The following ITGA8 variants were observed in gnomAD, a reference collection of about 807,000 sequenced individuals.
ITGA8 encodes the protein integrin subunit alpha 8, also known as integrin alpha-8.
Under a neutral mutation model 142.3 loss-of-function variants are expected in ITGA8, and 91 were observed. The observed-to-expected ratio is 0.64, with a 90% CI of 0.54 to 0.76. The LOEUF is 0.76. Ranked by LOEUF, ITGA8 falls within the 30% of genes least tolerant of loss-of-function variation. The pLI is 0.00. For missense variants in ITGA8, 1,406 were observed against 1,327.7 expected (o/e 1.06, Z -0.92); for synonymous variants, 505 against 485.2 (o/e 1.04, Z -0.54).
chr10:15,661,042 G>T, intron 8 of ITGA8, 120 bp from the exon 9 acceptor site: 1 of 906,346 alleles, frequency 1.1e-6, no homozygotes, highest in Non-Finnish European at 1.7e-6. Flanking sequence ...ATCATACAGA[G>T]CAGGGGTCCC....
chr10:15,592,343 C>G, intron 21 of ITGA8, 39 bp from the exon 22 acceptor site: 1 of 1,412,804 alleles, frequency 7.1e-7, no homozygotes, highest in South Asian at 1.2e-5. Context: ...GTAGCTTGTA[C>G]ACAACATAAA....
At chr10:15,689,924 G>A (rs907540204) in intron 2 of ITGA8, among the ~76,000 whole-genome samples, 6 of 152,096 alleles carry the variant, frequency 3.9e-5, no homozygotes, top group Admixed American at 1.3e-4. Context: ...CCCCTTCGGC[G>A]CCAGAACCAA....
At chr10:15,562,661 A>G (rs2131573772) in intron 25 of ITGA8, among the ~76,000 whole-genome samples, 1 of 152,296 alleles carries the variant, frequency 6.6e-6, no homozygotes, top group African/African-American at 2.4e-5. Flanking sequence ...AGGAAAGTTG[A>G]GTCGAATGTC....
intron 15 of ITGA8, chr10:15,611,531 A>G (rs1336977145): frequency 4.2e-5 from 6 of 142,726 alleles, no homozygotes; most frequent in East Asian, 2.0e-4. Context: ...TCCCTCTGTC[A>G]CCCAGGCTGG....
At chr10:15,520,539 A>G (rs1313392780) in intron 28 of ITGA8, among the ~76,000 whole-genome samples, 1 of 152,200 alleles carries the variant, frequency 6.6e-6, no homozygotes, top group Non-Finnish European at 1.5e-5. Context: ...CTGCATGCTC[A>G]GTGTCTATGA....
chr10:15,706,340 A>G (rs1006732169), intron 2 of ITGA8, among the ~76,000 whole-genome samples: 1 of 152,024 alleles, frequency 6.6e-6, no homozygotes, highest in Non-Finnish European at 1.5e-5. Context: ...AATCCCAGCC[A>G]TACTTCCCTT....
At chr10:15,718,340 C>G (rs1202364280) in intron 2 of ITGA8, among the ~76,000 whole-genome samples, 1 of 152,214 alleles carries the variant, frequency 6.6e-6, no homozygotes, top group Admixed American at 6.5e-5. Context: ...TCTGCAGCAG[C>G]TAAGTCCTGC....
chr10:15,640,758 G>A (rs181800442), intron 13 of ITGA8, among the ~76,000 whole-genome samples: 11 of 152,318 alleles, frequency 7.2e-5, no homozygotes, highest in African/African-American at 2.6e-4. Flanking sequence ...GTGCGTGTCT[G>A]AGTCCTAACA....
intron 6 of ITGA8, among the ~76,000 whole-genome samples, chr10:15,673,081 G>C (rs1834558798): frequency 6.6e-6 from 1 of 152,032 alleles, no homozygotes; most frequent in African/African-American, 2.4e-5. Context: ...TTGTTTGTTT[G>C]TTTGTTTGTT....
At chr10:15,530,684 A>C (rs1833271099) in intron 28 of ITGA8, among the ~76,000 whole-genome samples, 1 of 152,130 alleles carries the variant, frequency 6.6e-6, no homozygotes, top group African/African-American at 2.4e-5. Context: ...TCCGTAGCCT[A>C]CTATCCCTAA....
chr10:15,584,610 C>T (rs768822346), intron 23 of ITGA8, among the ~76,000 whole-genome samples: 3 of 152,218 alleles, frequency 2.0e-5, no homozygotes, highest in Non-Finnish European at 4.4e-5. Flanking sequence ...ATAGAGCATA[C>T]TCTCTGATCC....
intron 8 of ITGA8, among the ~76,000 whole-genome samples, chr10:15,662,553 G>A (rs965088831): frequency 6.6e-6 from 1 of 151,902 alleles, no homozygotes; most frequent in Non-Finnish European, 1.5e-5. Context: ...TGCCCAGGCT[G>A]GTCTCAAACT....
intron 8 of ITGA8, among the ~76,000 whole-genome samples, chr10:15,667,048 G>C (rs1269557841): frequency 3.9e-5 from 6 of 152,162 alleles, no homozygotes; most frequent in African/African-American, 1.2e-4. Flanking sequence ...GAGTTAGGGA[G>C]GATTCCCTCT....
chr10:15,711,714 G>T (rs997896374), intron 2 of ITGA8, among the ~76,000 whole-genome samples: 2 of 151,750 alleles, frequency 1.3e-5, no homozygotes, highest in Admixed American at 6.6e-5. Context: ...CACTCCCAAT[G>T]CCTGGAAATC....
chr10:15,644,265 ATTC>A, intron 12 of ITGA8, 44 bp from the exon 13 acceptor site: 2 of 1,535,642 alleles, frequency 1.3e-6, no homozygotes, highest in Non-Finnish European at 1.8e-6. Context: ...TATGTATTTA[ATTC>A]TTCATTTGTT....
At chr10:15,694,696 TATATA>T (rs1434084666) in intron 2 of ITGA8, among the ~76,000 whole-genome samples, 3 of 136,898 alleles carry the variant, frequency 2.2e-5, no homozygotes, top group Non-Finnish European at 4.7e-5. Flanking sequence ...TATATATATA[TATATA>T]TGTCGACATA....
intron 11 of ITGA8, among the ~76,000 whole-genome samples, chr10:15,649,969 A>G (rs1335710980): frequency 6.6e-6 from 1 of 152,244 alleles, no homozygotes; most frequent in African/African-American, 2.4e-5. Context: ...TTTAAAACAG[A>G]TATACATACA....
At chr10:15,694,700 T>TATATATA (rs1178653851) in intron 2 of ITGA8, among the ~76,000 whole-genome samples, 1 of 138,492 alleles carries the variant, frequency 7.2e-6, no homozygotes, top group Non-Finnish European at 1.6e-5. Context: ...TATATATATA[T>TATATATA]ATGTCGACAT....
rs552200236 is a variant in ITGA8, at chr10:15,645,173, C to T, written c.1208-952G>A. On this transcript the variant is annotated intron_variant, in intron 12 of 29. Transcript: ENST00000378076. Reference sequence around the variant, plus strand: ...AATAAAGATATTGTCTTGTGTCAGGCGAAAAGGAACACTTTCGACACTTTC... The same window carrying T: ...AATAAAGATATTGTCTTGTGTCAGGTGAAAAGGAACACTTTCGACACTTTC... Among the ~76,000 whole-genome samples the T allele has an allele frequency of 1.8e-4, 27 of 149,776 alleles. 1 individual carries two copies. The highest frequency in any genetic ancestry group is 5.9e-4 in the African/African-American group (24 of 40,808).
Sources: allele counts gnomAD v4.1 joint callset (sites outside exome capture counted in the v4.1 genomes callset), GRCh38; gene constraint gnomAD v4.1.1; transcripts MANE v1.5; gene names NCBI Gene and HGNC (gene_info 2026-07-23, HGNC 2026-07-21).